Variants in PTPRD observed in about 807,000 individuals in gnomAD.
PTPRD encodes receptor-type tyrosine-protein phosphatase delta.
In PTPRD, 34 loss-of-function variants were observed where a neutral mutation model predicts 214.5. The observed-to-expected ratio is 0.16, with a 90% CI of 0.12 to 0.21. The LOEUF is 0.21. PTPRD is among the 10% of genes least tolerant of loss of function. The probability of loss-of-function intolerance (pLI) is 1.00; values close to 1 mark genes in which losing one functional copy is unlikely to be tolerated. For missense variants in PTPRD, 2,545 were observed against 2,398.7 expected, an observed-to-expected ratio of 1.06 and a Z score of -1.27; for synonymous variants, 1,128 against 845.7, an observed-to-expected ratio of 1.33 and a Z score of -5.79.
intron 9 of PTPRD, among the ~76,000 whole-genome samples, chr9:9,183,925 A>C (rs1335884526): frequency 6.6e-6 from 1 of 152,082 alleles, no homozygotes; most frequent in Non-Finnish European, 1.5e-5. Context: ...TAATTTAAAA[A>C]GATCCACACC....
intron 10 of PTPRD, among the ~76,000 whole-genome samples, chr9:9,142,882 C>T (rs1592330407): frequency 2.0e-5 from 3 of 152,202 alleles, no homozygotes; most frequent in South Asian, 4.1e-4. Context: ...TATTGTTGGG[C>T]TTCCTGGTCT....
chr9:9,051,109 A>G (rs577562694), intron 10 of PTPRD, among the ~76,000 whole-genome samples: 2 of 152,308 alleles, frequency 1.3e-5, no homozygotes, highest in East Asian at 1.9e-4. Flanking sequence ...TCTTCCAGCT[A>G]TCAGTCATTC....
intron 12 of PTPRD, among the ~76,000 whole-genome samples, chr9:8,733,387 T>C (rs2098681255): frequency 2.6e-5 from 4 of 152,178 alleles, no homozygotes; most frequent in Admixed American, 2.6e-4. Context: ...TGCATTTTTC[T>C]AAACACGGAA....
chr9:9,097,525 C>A (rs2099785276), intron 10 of PTPRD, among the ~76,000 whole-genome samples: 1 of 152,022 alleles, frequency 6.6e-6, no homozygotes, highest in Admixed American at 6.6e-5. Flanking sequence ...TCTCCTTCCT[C>A]AGCCTCCCAA....
At chr9:10,498,279 G>C (rs2042690754) in intron 2 of PTPRD, among the ~76,000 whole-genome samples, 1 of 151,900 alleles carries the variant, frequency 6.6e-6, no homozygotes, top group Non-Finnish European at 1.5e-5. Context: ...TAAGGGCCTA[G>C]AAGGTGAACA....
intron 39 of PTPRD, among the ~76,000 whole-genome samples, chr9:8,358,616 T>A (rs1047881856): frequency 4.6e-5 from 7 of 152,190 alleles, no homozygotes; most frequent in South Asian, 2.1e-4. Flanking sequence ...TTTTAAATAA[T>A]AGCTTCTTGA....
intron 2 of PTPRD, among the ~76,000 whole-genome samples, chr9:10,583,461 T>TC (rs2072758993): frequency 2.0e-5 from 3 of 151,754 alleles, no homozygotes; most frequent in African/African-American, 4.8e-5. Context: ...GAAGTTCTTT[T>TC]TTTTTTTTTA....
At chr9:8,517,152 G>C (rs964492711) in intron 21 of PTPRD, among the ~76,000 whole-genome samples, 1 of 150,258 alleles carries the variant, frequency 6.7e-6, no homozygotes, top group Non-Finnish European at 1.5e-5. Flanking sequence ...TTAGCCCAAA[G>C]CCAAACTGAT....
chr9:8,466,431 T>C (rs770337202), intron 31 of PTPRD, among the ~76,000 whole-genome samples: 7 of 151,926 alleles, frequency 4.6e-5, no homozygotes, highest in Non-Finnish European at 1.0e-4. Flanking sequence ...CACATGTATA[T>C]ACAGATGCTT....
At chr9:9,871,096 A>G (rs1457510144) in intron 5 of PTPRD, among the ~76,000 whole-genome samples, 1 of 152,220 alleles carries the variant, frequency 6.6e-6, no homozygotes, top group Non-Finnish European at 1.5e-5. Flanking sequence ...AACATTTTGT[A>G]CAGATACTAA....
chr9:10,191,817 T>C (rs2099364845), intron 3 of PTPRD, among the ~76,000 whole-genome samples: 1 of 152,186 alleles, frequency 6.6e-6, no homozygotes, highest in Admixed American at 6.5e-5. Flanking sequence ...ACATTGTTCT[T>C]AGCTATTTGC....
chr9:10,411,318 G>C (rs2098434291), intron 2 of PTPRD, among the ~76,000 whole-genome samples: 1 of 151,756 alleles, frequency 6.6e-6, no homozygotes. Context: ...TTGTAGTAAA[G>C]GAATTATAAC....
At chr9:8,820,597 G>C (rs1260446115) in intron 11 of PTPRD, among the ~76,000 whole-genome samples, 1 of 152,032 alleles carries the variant, frequency 6.6e-6, no homozygotes, top group African/African-American at 2.4e-5. Flanking sequence ...AGTTTTGAAA[G>C]TTCAACTCTT....
intron 39 of PTPRD, among the ~76,000 whole-genome samples, chr9:8,347,960 A>C (rs565157887): frequency 1.3e-5 from 2 of 152,254 alleles, no homozygotes; most frequent in South Asian, 4.1e-4. Flanking sequence ...TTGTTATGGA[A>C]GCCCCAGCAG....
At chr9:10,544,268 G>A (rs2059745600) in intron 2 of PTPRD, among the ~76,000 whole-genome samples, 2 of 151,900 alleles carry the variant, frequency 1.3e-5, no homozygotes, top group African/African-American at 4.8e-5. Context: ...CTGTCACAGG[G>A]ACAAAGTTTC....
intron 2 of PTPRD, among the ~76,000 whole-genome samples, chr9:10,458,911 T>A (rs993822881): frequency 8.5e-5 from 13 of 152,196 alleles, no homozygotes; most frequent in Admixed American, 6.5e-4. Flanking sequence ...GATTTTTTTT[T>A]ATTACACTTT....
intron 12 of PTPRD, among the ~76,000 whole-genome samples, chr9:8,709,876 C>A (rs572564243): frequency 6.6e-6 from 1 of 151,928 alleles, no homozygotes; most frequent in Admixed American, 6.6e-5. Flanking sequence ...TAAAGATGGG[C>A]AAATGAAGAT....
chr9:8,351,965 T>C (rs532034766), intron 39 of PTPRD, among the ~76,000 whole-genome samples: 3 of 151,934 alleles, frequency 2.0e-5, no homozygotes, highest in African/African-American at 7.2e-5. Flanking sequence ...AGGGATGAGC[T>C]ACCAGGTTAT....
At chr9:10,242,769 A>T (rs2091349634) in intron 3 of PTPRD, among the ~76,000 whole-genome samples, 1 of 151,806 alleles carries the variant, frequency 6.6e-6, no homozygotes, top group South Asian at 2.1e-4. Flanking sequence ...GGTGGAGGAA[A>T]CAGCACAATT....
Sources: allele counts gnomAD v4.1 joint callset (sites outside exome capture counted in the v4.1 genomes callset), GRCh38; gene constraint gnomAD v4.1.1; transcripts MANE v1.5; gene names NCBI Gene and HGNC (gene_info 2026-07-23, HGNC 2026-07-21).